UGT1A6: variants seen among roughly 807,000 people sequenced by gnomAD.
UGT1A6 encodes UDP-glucuronosyltransferase 1A6.
Under a neutral mutation model 44.4 loss-of-function variants are expected in UGT1A6, and 32 were observed. The observed-to-expected ratio is 0.72, with a 90% CI of 0.54 to 0.97. The LOEUF is 0.97. Ranked by LOEUF, UGT1A6 falls within the 50% of genes least tolerant of loss-of-function variation. UGT1A6 has a pLI of 0.00. For synonymous variants in UGT1A6, 238 were observed against 248.5 expected, an observed-to-expected ratio of 0.96 and a Z score of 0.40; for missense variants, 685 against 661.9, an observed-to-expected ratio of 1.03 and a Z score of -0.38.
At chr2:233,746,133 C>A (rs1693313600) in intron 1 of UGT1A6, among the ~76,000 whole-genome samples, 1 of 151,790 alleles carries the variant, frequency 6.6e-6, no homozygotes, top group African/African-American at 2.4e-5. Context: ...TGTGGACTGG[C>A]ACCTGAGTGA....
At chr2:233,692,764 A>G (rs902623866), upstream of UGT1A6, 2 of 1,237,922 alleles carry the variant, frequency 1.6e-6, no homozygotes, top group South Asian at 3.4e-5. Flanking sequence ...GGAGCTGAAG[A>G]GAAACACCCA....
chr2:233,743,691 C>T (rs368518074), intron 1 of UGT1A6: 24 of 1,367,118 alleles, frequency 1.8e-5, no homozygotes, highest in Non-Finnish European at 2.2e-5. Context: ...CCTGTGCAGC[C>T]GCCCTCCGCC....
At position 233,772,877 on chromosome 2, in the gene UGT1A6, G is replaced by C; in HGVS notation, c.*318G>C. The C allele has an allele frequency of 1.7e-6, 1 of 579,394 alleles. No homozygotes were observed. Among genetic ancestry groups the C allele is most frequent in the South Asian group, 2.3e-5 (1 of 42,896 alleles). The allele number at this position is 579,394 out of a possible 1,614,324, so 35.9% of individuals were successfully genotyped here. ...TGAAACATGGCCTGTTTGGGAGTGC[G>C]GGATTCAAAGGTGGTCCCACGGCTG... On this transcript the variant is annotated 3_prime_UTR_variant, in exon 5 of 5. Coordinates refer to ENST00000305139, the MANE Select transcript of UGT1A6 (RefSeq NM_001072.4).
rs548391374 is a variant in UGT1A6 at position 233,743,280 on chromosome 2, T to C, written c.862-23754T>C. The C allele has an allele frequency of 1.0e-5, 5 of 493,342 alleles. No homozygotes were observed. In the East Asian group the frequency reaches 3.5e-4, roughly 34 times the overall value. The allele number at this position is 493,342 out of a possible 1,614,324, so 30.6% of individuals were successfully genotyped here. The stretch of plus-strand genomic sequence containing the variant: ...CATCTTCCTCCACTTCCACCCTTTC[T>C]TGGCCATTCTCAATGATTCTCTTGG... On this transcript the variant is annotated intron_variant, in intron 1 of 4. Coordinates refer to ENST00000305139, the MANE Select transcript of UGT1A6 (RefSeq NM_001072.4).
rs1700239746 is a variant in UGT1A6, at chr2:233,771,113, A to C, written c.1302-1149A>C. The C allele has an allele frequency of 2.0e-5, 3 of 152,176 alleles. No homozygotes were observed. The South Asian group carries it at 6.2e-4, about 32-fold the overall frequency. The allele number at this position is 152,176 out of a possible 1,614,324, so 9.4% of individuals were successfully genotyped here. A position where few individuals can be genotyped will look rare whatever the true frequency, so the allele number is the denominator to read the frequency against. ...TATCAGGAAGACAGCACTAAAGCAC[A>C]AGGGATCCGACCCCATGATCCAAAC... is the stretch of plus-strand genomic sequence containing the variant. On this transcript the variant is annotated intron_variant, in intron 4 of 4. Transcript: ENST00000305139.
intron 1 of UGT1A6, among the ~76,000 whole-genome samples, chr2:233,748,618 A>C (rs1693989707): frequency 1.3e-5 from 2 of 151,764 alleles, no homozygotes; most frequent in Non-Finnish European, 2.9e-5. Flanking sequence ...CGAACGTGGG[A>C]TATATGTCTG....
chr2:233,757,478 C>T (rs1489873843), intron 1 of UGT1A6, among the ~76,000 whole-genome samples: 8 of 146,268 alleles, frequency 5.5e-5, no homozygotes, highest in African/African-American at 1.5e-4. Flanking sequence ...TCTCCAAAAC[C>T]ATGGACTGGC....
intron 1 of UGT1A6, among the ~76,000 whole-genome samples, chr2:233,704,904 C>G (rs2075812559): frequency 6.6e-6 from 1 of 152,134 alleles, no homozygotes; most frequent in African/African-American, 2.4e-5. Context: ...AAGGCTGAGG[C>G]AGGTGGATCA....
intron 1 of UGT1A6, among the ~76,000 whole-genome samples, chr2:233,696,285 A>T (rs554364174): frequency 1.9e-4 from 29 of 152,324 alleles, no homozygotes; most frequent in Admixed American, 1.7e-3. Flanking sequence ...AAAACGTAGG[A>T]CTGTAATATC....
chr2:233,730,165 G>T (rs142374428), intron 1 of UGT1A6, among the ~76,000 whole-genome samples: 1 of 152,156 alleles, frequency 6.6e-6, no homozygotes. Context: ...CTCTAGTAGC[G>T]TATTTCAGGT....
chr2:233,718,922 GC>G (rs1473563320), intron 1 of UGT1A6: 1 of 1,614,124 alleles, frequency 6.2e-7, no homozygotes, highest in East Asian at 2.2e-5. Context: ...TGTTGGTGGT[GC>G]CCACTGATGG....
chr2:233,734,820 G>A (rs1460443143), intron 1 of UGT1A6, among the ~76,000 whole-genome samples: 12 of 152,202 alleles, frequency 7.9e-5, no homozygotes, highest in Non-Finnish European at 1.3e-4. Context: ...GTAGTTGTGC[G>A]ATTTTGAGTG....
intron 1 of UGT1A6, chr2:233,754,666 T>C (rs1311893817): frequency 2.1e-6 from 1 of 466,882 alleles, no homozygotes. Context: ...TTGGTGGTGA[T>C]TTTTTTACCA....
At chr2:233,744,417 G>C (rs1328403713) in intron 1 of UGT1A6, among the ~76,000 whole-genome samples, 1 of 151,850 alleles carries the variant, frequency 6.6e-6, no homozygotes, top group Non-Finnish European at 1.5e-5. Flanking sequence ...TTTTGTTCAT[G>C]TGGATTATAT....
chr2:233,700,628 T>G (rs1178999568), intron 1 of UGT1A6, among the ~76,000 whole-genome samples: 1 of 152,192 alleles, frequency 6.6e-6, no homozygotes, highest in African/African-American at 2.4e-5. Flanking sequence ...TCCAGTAAGA[T>G]TTAATGACTT....
chr2:233,767,623 T>C (rs188657722), intron 2 of UGT1A6, among the ~76,000 whole-genome samples: 5 of 152,322 alleles, frequency 3.3e-5, no homozygotes, highest in African/African-American at 1.2e-4. Flanking sequence ...GTGCACAGCT[T>C]GATAAATTAT....
chr2:233,737,891 T>A (rs1690616471), intron 1 of UGT1A6, among the ~76,000 whole-genome samples: 1 of 152,132 alleles, frequency 6.6e-6, no homozygotes, highest in African/African-American at 2.4e-5. Flanking sequence ...AAAGCTAATT[T>A]TCGAGTGTGG....
At position 233,697,329 on chromosome 2, in the gene UGT1A6, T is replaced by A. The variant is rs545927444; in HGVS notation, c.861+3464T>A. Among the ~76,000 whole-genome samples the A allele has an allele frequency of 3.3e-5, 5 of 152,252 alleles. No homozygotes were observed. The East Asian group carries it at 9.6e-4, about 29-fold the overall frequency. The stretch of plus-strand genomic sequence containing the variant: ...GGTAGATTGTTTGTGTTTGGAAATG[T>A]ATCCATTTCCTCTAGGTTTTCTAAT... On this transcript the variant is annotated intron_variant, in intron 1 of 4. Transcript: ENST00000305139.
In UGT1A6 at chr2:233,772,377, C is replaced by T. The variant is rs72551359; in HGVS notation, c.1417C>T (p.Leu473=). The T allele has an allele frequency of 6.2e-7, 1 of 1,614,256 alleles. No homozygotes were observed. Among genetic ancestry groups the T allele is most frequent in the Non-Finnish European group, 8.5e-7 (1 of 1,180,050 alleles). The change falls in exon 5 of 5, where the codon CTG becomes TTG. Residue 473 remains leucine (L), a synonymous_variant. Coordinates refer to ENST00000305139, the MANE Select transcript of UGT1A6 (RefSeq NM_001072.4). The stretch of plus-strand genomic sequence containing the variant: ...GATGAGGCACAAGGGCGCGCCACAC[C>T]TGCGCCCCGCAGCCCACGACCTCAC... ...FVMRHKGAPH[L]RPAAHDLTWY...
Sources: gnomAD v4.1 joint callset for allele counts (sites outside exome capture counted in the v4.1 genomes callset) on GRCh38, gnomAD v4.1.1 for gene constraint, MANE v1.5 for transcripts, NCBI Gene and HGNC (gene_info 2026-07-23, HGNC 2026-07-21) for gene names.